RIMS1: variants seen among roughly 807,000 people sequenced by gnomAD.
The protein encoded by RIMS1 is regulating synaptic membrane exocytosis protein 1.
In RIMS1, 83 loss-of-function variants were observed where a neutral mutation model predicts 214.1. The observed-to-expected ratio is 0.39, with a 90% CI of 0.32 to 0.47. RIMS1 has a LOEUF of 0.47. RIMS1 is among the 20% of genes least tolerant of loss of function. RIMS1 has a pLI of 0.99. For synonymous variants in RIMS1, 793 were observed against 786.8 expected (o/e 1.01, Z -0.13); for missense variants, 2,050 against 2,161.8 (o/e 0.95, Z 1.03).
At chr6:72,063,842 G>C (rs76058921) in intron 2 of RIMS1, among the ~76,000 whole-genome samples, 3,958 of 152,294 alleles carry the variant, frequency 0.026, 77 homozygotes, top group Admixed American at 0.046. Context: ...CCAGAGACTG[G>C]ATGGCTTCTG....
At chr6:72,149,785 A>G (rs1157783160) in intron 4 of RIMS1, among the ~76,000 whole-genome samples, 1 of 152,232 alleles carries the variant, frequency 6.6e-6, no homozygotes, top group East Asian at 1.9e-4. Flanking sequence ...AGCCAGCAAC[A>G]TCCTTGATTG....
intron 1 of RIMS1, among the ~76,000 whole-genome samples, chr6:71,925,238 T>A (rs1310236841): frequency 6.6e-6 from 1 of 152,216 alleles, no homozygotes; most frequent in Non-Finnish European, 1.5e-5. Context: ...TAAATGTGAC[T>A]CCGTCTGACC....
intron 1 of RIMS1, among the ~76,000 whole-genome samples, chr6:71,944,078 C>G (rs1043186036): frequency 6.6e-6 from 1 of 152,026 alleles, no homozygotes; most frequent in African/African-American, 2.4e-5. Flanking sequence ...ATAGATGATG[C>G]CTGTCAAACT....
chr6:72,164,167 C>T (rs1015908465), intron 4 of RIMS1, among the ~76,000 whole-genome samples: 5 of 152,266 alleles, frequency 3.3e-5, no homozygotes, highest in Admixed American at 6.5e-5. Flanking sequence ...AGCGAGACTC[C>T]GTGGGCATAG....
chr6:72,208,624 T>C (rs914156504), intron 6 of RIMS1, among the ~76,000 whole-genome samples: 1 of 152,126 alleles, frequency 6.6e-6, no homozygotes, highest in Non-Finnish European at 1.5e-5. Flanking sequence ...CTAATCACCA[T>C]GAAAAGCACT....
chr6:71,964,038 A>G (rs1303510319), intron 1 of RIMS1, among the ~76,000 whole-genome samples: 3 of 152,202 alleles, frequency 2.0e-5, no homozygotes, highest in Middle Eastern at 3.2e-3. Context: ...TATATCTCAG[A>G]AAACAGTAGA....
At chr6:72,296,213 A>C (rs2094074184) in intron 26 of RIMS1, among the ~76,000 whole-genome samples, 1 of 151,772 alleles carries the variant, frequency 6.6e-6, no homozygotes, top group Non-Finnish European at 1.5e-5. Context: ...TTTTTTAAAA[A>C]TTTATTTATC....
At chr6:72,079,991 C>T (rs190227949) in intron 2 of RIMS1, among the ~76,000 whole-genome samples, 1 of 142,712 alleles carries the variant, frequency 7.0e-6, no homozygotes, top group Admixed American at 7.5e-5. Context: ...AATGCCAACA[C>T]TTTGGGAGGC....
At chr6:72,196,457 A>AG (rs2050943797) in intron 6 of RIMS1, among the ~76,000 whole-genome samples, 1 of 151,968 alleles carries the variant, frequency 6.6e-6, no homozygotes, top group South Asian at 2.1e-4. Context: ...ATGCTTCAAA[A>AG]CAAAATCAGG....
At chr6:72,231,124 G>A (rs891728566) in intron 6 of RIMS1, among the ~76,000 whole-genome samples, 6 of 151,580 alleles carry the variant, frequency 4.0e-5, no homozygotes, top group African/African-American at 1.4e-4. Flanking sequence ...GAATATTTTA[G>A]GAGCATGTTT....
intron 23 of RIMS1, among the ~76,000 whole-genome samples, chr6:72,279,272 TAGAA>T (rs954165946): frequency 7.9e-4 from 120 of 152,080 alleles, no homozygotes; most frequent in African/African-American, 2.7e-3. Flanking sequence ...ACTAAATTAA[TAGAA>T]AGGAAATAAT....
chr6:72,260,995 C>T (rs999134387), intron 19 of RIMS1: 2 of 1,316,868 alleles, frequency 1.5e-6, no homozygotes, highest in African/African-American at 1.5e-5. Flanking sequence ...AATCCAGAGA[C>T]TAGTGGGCCT....
chr6:72,240,349 G>A (rs1157417761), intron 9 of RIMS1, among the ~76,000 whole-genome samples: 4 of 151,882 alleles, frequency 2.6e-5, no homozygotes, highest in African/African-American at 9.7e-5. Context: ...GCTCATTATT[G>A]GGTAGTAAAA....
At chr6:72,255,837 A>C (rs1563138830) in intron 16 of RIMS1, among the ~76,000 whole-genome samples, 1 of 152,124 alleles carries the variant, frequency 6.6e-6, no homozygotes, top group Non-Finnish European at 1.5e-5. Context: ...GGAGTTCGAG[A>C]CCAGCCTGCC....
intron 4 of RIMS1, among the ~76,000 whole-genome samples, chr6:72,110,202 T>A (rs2153818791): frequency 6.6e-6 from 1 of 152,300 alleles, no homozygotes; most frequent in African/African-American, 2.4e-5. Flanking sequence ...TTTGGTTCCA[T>A]ATGAACTTTA....
chr6:71,916,070 T>G (rs1315614852), intron 1 of RIMS1, among the ~76,000 whole-genome samples: 1 of 152,034 alleles, frequency 6.6e-6, no homozygotes. Context: ...AAGATGAGAT[T>G]TGGGTGGGGA....
At chr6:72,204,804 T>A (rs1035697806) in intron 6 of RIMS1, among the ~76,000 whole-genome samples, 2 of 152,000 alleles carry the variant, frequency 1.3e-5, no homozygotes, top group Non-Finnish European at 1.5e-5. Context: ...TTTATAGAAG[T>A]AATTAGAAAG....
chr6:72,284,374 A>G (rs2091538330), intron 24 of RIMS1, among the ~76,000 whole-genome samples: 1 of 152,208 alleles, frequency 6.6e-6, no homozygotes, highest in South Asian at 2.1e-4. Context: ...GATTACTAAT[A>G]AGGATTAAAT....
In RIMS1 at chr6:72,402,205, G is replaced by A. The variant is rs183254307; in HGVS notation, c.*1491G>A. ...AAGAAACAAAAGGTTATTTAATAAT[G>A]TATGTTAGTTCCACATAGGCCAGCT... On this transcript the variant is annotated 3_prime_UTR_variant, in exon 34 of 34. Coordinates refer to ENST00000521978, the MANE Select transcript of RIMS1 (RefSeq NM_014989.7). 5.9e-5 allele frequency: 9 copies of A among 152,678 alleles called. No individual in the cohort carries two copies. The highest frequency in any genetic ancestry group is 2.2e-4 in the African/African-American group (9 of 41,560). The allele number at this position is 152,678 out of a possible 1,614,324, so 9.5% of individuals were successfully genotyped here.
Sources: gnomAD v4.1 joint callset for allele counts (sites outside exome capture counted in the v4.1 genomes callset) on GRCh38, gnomAD v4.1.1 for gene constraint, MANE v1.5 for transcripts, NCBI Gene and HGNC (gene_info 2026-07-23, HGNC 2026-07-21) for gene names.